CYFIP2: variants seen among roughly 807,000 people sequenced by gnomAD.
CYFIP2 encodes the protein cytoplasmic FMR1 interacting protein 2.
In CYFIP2, 29 loss-of-function variants were observed where a neutral mutation model predicts 158.7. That is an observed-to-expected ratio of 0.18 (90% CI 0.14 to 0.25). The LOEUF is 0.25. Among genes scored for constraint, CYFIP2 ranks in the 10% least tolerant of loss-of-function variants. CYFIP2 has a pLI of 1.00. For missense variants in CYFIP2, 852 were observed against 1,639.5 expected, an observed-to-expected ratio of 0.52 and a Z score of 8.29; for synonymous variants, 585 against 617.6, an observed-to-expected ratio of 0.95 and a Z score of 0.78.
At chr5:157,274,666 C>T (rs1023200194) in intron 1 of CYFIP2, among the ~76,000 whole-genome samples, 6 of 152,124 alleles carry the variant, frequency 3.9e-5, no homozygotes, top group South Asian at 2.1e-4. Context: ...TCCAAAGTTG[C>T]GGCACCATCT....
chr5:157,332,027 A>G (rs1761501172), intron 20 of CYFIP2, among the ~76,000 whole-genome samples: 1 of 152,138 alleles, frequency 6.6e-6, no homozygotes, highest in Admixed American at 6.5e-5. Flanking sequence ...ATTTTCCCTC[A>G]TGAAGGCACA....
At chr5:157,312,042 T>C (rs777978223) in intron 11 of CYFIP2, among the ~76,000 whole-genome samples, 1 of 152,204 alleles carries the variant, frequency 6.6e-6, no homozygotes, top group African/African-American at 2.4e-5. Flanking sequence ...ACAGTATCTA[T>C]CCTGAAAGGT....
At chr5:157,365,372 ATAGG>A (rs1377123870) in intron 26 of CYFIP2, 3 of 152,142 alleles carry the variant, frequency 2.0e-5, no homozygotes, top group African/African-American at 7.2e-5. Context: ...TATATCATTG[ATAGG>A]TAGAGGGATA....
At chr5:157,378,024 GAGGGGCTTGGAAGACTCCTAGA>G (rs1298362986) in intron 26 of CYFIP2, among the ~76,000 whole-genome samples, 1 of 152,218 alleles carries the variant, frequency 6.6e-6, no homozygotes, top group African/African-American at 2.4e-5. Context: ...CTGTGGGCTG[GAGGGGCTTGGAAGACTCCTAGA>G]AGGTAAAACT....
chr5:157,337,973 T>C (rs888512793), intron 21 of CYFIP2, among the ~76,000 whole-genome samples: 6 of 152,206 alleles, frequency 3.9e-5, no homozygotes, highest in African/African-American at 1.4e-4. Flanking sequence ...AGGGCCTCAA[T>C]TTCCCCTCTC....
At position 157,361,748 on chromosome 5, in the gene CYFIP2, C is replaced by G; in HGVS notation, c.3039+150C>G. 1.9e-6 allele frequency: 2 copies of G among 1,038,440 alleles called. No individual in the cohort carries two copies. The highest frequency in any genetic ancestry group is 2.7e-6 in the Non-Finnish European group (2 of 731,538). The allele number at this position is 1,038,440 out of a possible 1,614,324, so 64.3% of individuals were successfully genotyped here. On this transcript the variant is annotated intron_variant, in intron 26 of 30. Coordinates refer to ENST00000620254, the MANE Select transcript of CYFIP2 (RefSeq NM_001037333.3). The surrounding 1 kb of genome is among the most constrained non-coding windows in gnomAD (Gnocchi z 4.4). ...GTTCATTTCCAGACAGACATGGATT[C>G]TAGTCCTGGCTCCCCCATTCACGAT...
At chr5:157,289,546 C>T (rs1757661492) in intron 3 of CYFIP2, among the ~76,000 whole-genome samples, 1 of 152,208 alleles carries the variant, frequency 6.6e-6, no homozygotes, top group South Asian at 2.1e-4. Flanking sequence ...ATGGCTGTTT[C>T]TCTCTGCATC....
chr5:157,370,964 T>C (rs983198756), intron 26 of CYFIP2, among the ~76,000 whole-genome samples: 2 of 152,178 alleles, frequency 1.3e-5, no homozygotes, highest in Non-Finnish European at 2.9e-5. Flanking sequence ...ATTAAATTAC[T>C]GATAGATTTA....
At chr5:157,349,924 T>C (rs548497011) in intron 23 of CYFIP2, among the ~76,000 whole-genome samples, 1 of 152,300 alleles carries the variant, frequency 6.6e-6, no homozygotes, top group South Asian at 2.1e-4. Context: ...CTTTTGAGAA[T>C]TGTCTGTTCA....
chr5:157,364,609 G>A (rs6555970), intron 26 of CYFIP2: 37,283 of 152,192 alleles, frequency 0.24, 5,247 homozygotes, highest in African/African-American at 0.38. Context: ...TTGGGGGCTA[G>A]GGGTCGGGGA....
chr5:157,306,385 G>T (rs754222625), intron 8 of CYFIP2, among the ~76,000 whole-genome samples: 1 of 152,086 alleles, frequency 6.6e-6, no homozygotes, highest in African/African-American at 2.4e-5. Context: ...CTACCTACCA[G>T]CCCACCAAGT....
At position 157,322,852 on chromosome 5, in the gene CYFIP2, T is replaced by TTC. The variant is rs143886830; in HGVS notation, c.1672-1053_1672-1052dup. 3,234 of 1,245,886 alleles carry TTC rather than the reference T, an allele frequency of 2.6e-3. 38 individuals are homozygous for TTC. The African/African-American group carries it at 0.035, about 14-fold the overall frequency. 77.2% of individuals were successfully genotyped at this position (1,245,886 alleles called of 1,614,324 possible). A position where few individuals can be genotyped will look rare whatever the true frequency, so the allele number is the denominator to read the frequency against. On this transcript the variant is annotated intron_variant, in intron 15 of 30. Transcript: ENST00000620254. The stretch of plus-strand genomic sequence containing the variant: ...CCACCGTATACAATACCTCTTGCTT[T>TTC]TCTCTCTCTCTCTCTCTTTCTCTCT...
intron 3 of CYFIP2, among the ~76,000 whole-genome samples, chr5:157,294,556 T>C (rs1253630285): frequency 6.6e-6 from 1 of 152,174 alleles, no homozygotes; most frequent in Non-Finnish European, 1.5e-5. Flanking sequence ...TGAGTTCTTC[T>C]CAAACTCATT....
chr5:157,302,717 A>T (rs1451592395), intron 6 of CYFIP2, 77 bp from the exon 7 acceptor site: 2 of 1,130,420 alleles, frequency 1.8e-6, no homozygotes, highest in Admixed American at 4.9e-5. Context: ...TTAGGTGGGC[A>T]TGCGAGCCCG....
chr5:157,290,671 ATGAGT>A lies in CYFIP2; in HGVS notation c.207+3564_207+3568del, dbSNP rs532645474. On this transcript the variant is annotated intron_variant, in intron 3 of 30. Transcript: ENST00000620254. ...GGGAGAGTGTTGATGTGGCTTAGGC[ATGAGT>A]CATGAGTGGCATGCAATGCTGACAT... Among the ~76,000 whole-genome samples the A allele has an allele frequency of 4.0e-4, 61 of 152,368 alleles. No homozygotes were observed. The East Asian group carries it at 0.011, about 28-fold the overall frequency.
chr5:157,346,172 A>T (rs1762676550), intron 23 of CYFIP2, among the ~76,000 whole-genome samples: 1 of 152,062 alleles, frequency 6.6e-6, no homozygotes, highest in African/African-American at 2.4e-5. Context: ...TCATCTGTAA[A>T]GCTGTGGGCT....
chr5:157,320,679 C>A lies in CYFIP2; in HGVS notation c.1548C>A (p.Thr516=). The A allele has an allele frequency of 6.2e-7, 1 of 1,613,940 alleles. No individual in the cohort carries two copies. Among genetic ancestry groups the A allele is most frequent in the Non-Finnish European group, 8.5e-7 (1 of 1,179,856 alleles). ...GCGTCCTACAGGCAATTCGAAAGAC[C>A]ATCTGTGACTGGGAGGGAGGGCGAG... The part of the protein sequence containing the change: ...LISVLQAIRK[T]ICDWEGGREP... The change falls in exon 15 of 31, where the codon ACC becomes ACA. Residue 516 remains threonine, a synonymous_variant. Coordinates refer to ENST00000620254, the MANE Select transcript of CYFIP2 (RefSeq NM_001037333.3).
chr5:157,392,732 C>A, intron 30 of CYFIP2, 101 bp from the exon 31 acceptor site: 1 of 1,309,730 alleles, frequency 7.6e-7, no homozygotes, highest in Non-Finnish European at 1.1e-6. Context: ...GACATGATCA[C>A]TGATGCAGGG....
intron 5 of CYFIP2, among the ~76,000 whole-genome samples, chr5:157,300,364 G>A (rs529492296): frequency 2.0e-5 from 3 of 151,744 alleles, no homozygotes; most frequent in South Asian, 4.2e-4. Flanking sequence ...GTGAAACCCC[G>A]TCTCTACTAA....
Sources: allele counts gnomAD v4.1 joint callset (sites outside exome capture counted in the v4.1 genomes callset), GRCh38; gene constraint gnomAD v4.1.1; non-coding constraint Gnocchi (gnomAD v3.1); transcripts MANE v1.5; gene names NCBI Gene and HGNC (gene_info 2026-07-23, HGNC 2026-07-21).